SCLT1: variants seen among roughly 807,000 people sequenced by gnomAD.
The protein encoded by SCLT1 is sodium channel and clathrin linker 1, also known as sodium channel-associated protein 1.
Under a neutral mutation model 112.8 loss-of-function variants are expected in SCLT1, and 78 were observed. The ratio of observed to expected loss-of-function variants is 0.69; its 90% confidence interval spans 0.58 to 0.83. SCLT1 has a LOEUF of 0.83. Ranked by LOEUF, SCLT1 falls within the 40% of genes least tolerant of loss-of-function variation. The probability of loss-of-function intolerance (pLI) is 0.00; values close to 1 mark genes in which losing one functional copy is unlikely to be tolerated. For missense variants in SCLT1, 747 were observed against 770.4 expected (o/e 0.97, Z 0.36); for synonymous variants, 257 against 254.7 (o/e 1.01, Z -0.09).
At chr4:129,053,672 A>G (rs1411920511) in intron 2 of SCLT1, among the ~76,000 whole-genome samples, 1 of 146,354 alleles carries the variant, frequency 6.8e-6, no homozygotes, top group Non-Finnish European at 1.5e-5. Flanking sequence ...GGGTCTCCTG[A>G]AGACAGCGGA....
At chr4:129,071,048 G>A (rs1231693367) in intron 2 of SCLT1, among the ~76,000 whole-genome samples, 2 of 152,194 alleles carry the variant, frequency 1.3e-5, no homozygotes, top group African/African-American at 4.8e-5. Context: ...GCTCAGTCAA[G>A]AGCAGGCTTA....
chr4:128,965,412 T>G (rs1175474172), intron 10 of SCLT1, 94 bp from the exon 11 acceptor site: 4 of 762,004 alleles, frequency 5.2e-6, no homozygotes, highest in Non-Finnish European at 9.1e-6. Flanking sequence ...GCTATAAAGT[T>G]ATTATGCTAT....
In SCLT1 at chr4:128,919,663, T is replaced by C. The variant is rs184172845; in HGVS notation, c.1829+16992A>G. Among the ~76,000 whole-genome samples, 128 of 151,312 alleles carry C rather than the reference T, an allele frequency of 8.5e-4. 1 individual carries two copies. The highest frequency in any genetic ancestry group is 1.8e-3 in the Admixed American group (27 of 15,188). On this transcript the variant is annotated intron_variant, in intron 18 of 20. Transcript: ENST00000281142. Reference sequence around the variant, plus strand: ...AAGATTGATAGACCACCAGCTAGACTAATAAAGAAAAAGAAAAGATCCAAA... The same window carrying C: ...AAGATTGATAGACCACCAGCTAGACCAATAAAGAAAAAGAAAAGATCCAAA...
At chr4:128,943,476 A>G (rs1239313262) in intron 16 of SCLT1, among the ~76,000 whole-genome samples, 1 of 152,156 alleles carries the variant, frequency 6.6e-6, no homozygotes. Flanking sequence ...ATTAAGAATC[A>G]CTGTGTATGG....
chr4:128,977,623 G>A (rs1225587964), intron 9 of SCLT1, among the ~76,000 whole-genome samples: 1 of 152,094 alleles, frequency 6.6e-6, no homozygotes, highest in African/African-American at 2.4e-5. Flanking sequence ...GGATGATGAG[G>A]CAAACTGAAG....
At chr4:128,984,082 T>C (rs916845306) in intron 9 of SCLT1, among the ~76,000 whole-genome samples, 1 of 152,192 alleles carries the variant, frequency 6.6e-6, no homozygotes, top group Non-Finnish European at 1.5e-5. Context: ...ATACTGTCAG[T>C]AAATATTATG....
At chr4:129,013,472 C>T (rs942757599) in intron 5 of SCLT1, among the ~76,000 whole-genome samples, 5 of 152,162 alleles carry the variant, frequency 3.3e-5, no homozygotes, top group South Asian at 2.1e-4. Flanking sequence ...GTATTTAGTG[C>T]TACCTTCAGG....
rs569933823 is a variant in SCLT1 at position 129,011,932 on chromosome 4, CTTT to C, written c.291-8059_291-8057del. Among the ~76,000 whole-genome samples the C allele has an allele frequency of 4.7e-3, 716 of 152,144 alleles. 4 individuals carry two copies. The highest frequency in any genetic ancestry group is 0.016 in the African/African-American group (656 of 41,534). Reference sequence around the variant, plus strand: ...TTATTTGAATCTTCTCTCTTTTCTTCTTTATTAGTCTAGCTAATGGTCTATTTT... The same window carrying C: ...TTATTTGAATCTTCTCTCTTTTCTTCATTAGTCTAGCTAATGGTCTATTTT... On this transcript the variant is annotated intron_variant, in intron 5 of 20. Coordinates refer to ENST00000281142, the MANE Select transcript of SCLT1 (RefSeq NM_144643.4).
intron 17 of SCLT1, among the ~76,000 whole-genome samples, chr4:128,938,604 G>T (rs1737410159): frequency 6.6e-6 from 1 of 152,088 alleles, no homozygotes; most frequent in Non-Finnish European, 1.5e-5. Context: ...CATCTCCTCT[G>T]GAGAAGTCAT....
chr4:129,040,299 A>C, intron 4 of SCLT1: 1 of 669,460 alleles, frequency 1.5e-6, no homozygotes. Context: ...TGAGAGATAA[A>C]ATTGGAAAGA....
intron 13 of SCLT1, among the ~76,000 whole-genome samples, chr4:128,955,753 T>G (rs1739167570): frequency 6.6e-6 from 1 of 152,226 alleles, no homozygotes; most frequent in African/African-American, 2.4e-5. Context: ...ACATATTTTC[T>G]CATACATATT....
At chr4:128,915,049 C>G (rs1441202568) in intron 18 of SCLT1, among the ~76,000 whole-genome samples, 1 of 152,022 alleles carries the variant, frequency 6.6e-6, no homozygotes, top group African/African-American at 2.4e-5. Flanking sequence ...GGCTAGCACA[C>G]TCCTTTAAAA....
chr4:128,969,455 C>T (rs1306100767), intron 10 of SCLT1, among the ~76,000 whole-genome samples: 1 of 151,960 alleles, frequency 6.6e-6, no homozygotes, highest in African/African-American at 2.4e-5. Context: ...ACCTGTAGTC[C>T]CAGCTACTTG....
rs73850037 is a variant in SCLT1, at chr4:128,928,102, C to T, written c.1829+8553G>A. Among the ~76,000 whole-genome samples, 1,091 of 151,956 alleles carry T rather than the reference C, an allele frequency of 7.2e-3. 14 individuals are homozygous for T. The highest frequency in any genetic ancestry group is 0.025 in the African/African-American group (1,020 of 41,436). On this transcript the variant is annotated intron_variant, in intron 18 of 20. Coordinates refer to ENST00000281142, the MANE Select transcript of SCLT1 (RefSeq NM_144643.4). ...GTTCAAGAAATTTTGATTGACTCAACGATAAAAAAACACTCCTACAAAAAC... is the reference window on the plus strand; with the variant it reads ...GTTCAAGAAATTTTGATTGACTCAATGATAAAAAAACACTCCTACAAAAAC...
chr4:129,042,081 C>T (rs1200099201), intron 4 of SCLT1, among the ~76,000 whole-genome samples: 2 of 152,050 alleles, frequency 1.3e-5, no homozygotes, highest in African/African-American at 4.8e-5. Context: ...ATACTCTGTT[C>T]CATTTGCATT....
At chr4:129,019,142 T>A (rs1047414956) in intron 5 of SCLT1, among the ~76,000 whole-genome samples, 1 of 152,192 alleles carries the variant, frequency 6.6e-6, no homozygotes, top group African/African-American at 2.4e-5. Context: ...AAGACTTTAA[T>A]TTTATATATT....
intron 18 of SCLT1, among the ~76,000 whole-genome samples, chr4:128,924,202 C>T (rs995306927): frequency 1.3e-5 from 2 of 151,500 alleles, no homozygotes; most frequent in African/African-American, 2.4e-5. Context: ...ATTTTTTTCT[C>T]ACAGTCTTTT....
At chr4:129,043,622 T>A (rs1429001971) in intron 3 of SCLT1, among the ~76,000 whole-genome samples, 155 bp from the exon 4 acceptor site, 3 of 152,226 alleles carry the variant, frequency 2.0e-5, no homozygotes, top group Non-Finnish European at 2.9e-5. Context: ...TTTTAAATAT[T>A]TGCACAATTA....
intron 5 of SCLT1, among the ~76,000 whole-genome samples, chr4:129,035,012 T>A (rs1747060637): frequency 6.6e-6 from 1 of 152,142 alleles, no homozygotes; most frequent in Non-Finnish European, 1.5e-5. Flanking sequence ...TCTGTCTATT[T>A]TATTCACTAA....
Sources: gnomAD v4.1 joint callset for allele counts (sites outside exome capture counted in the v4.1 genomes callset) on GRCh38, gnomAD v4.1.1 for gene constraint, MANE v1.5 for transcripts, NCBI Gene and HGNC (gene_info 2026-07-23, HGNC 2026-07-21) for gene names.